The following SCART1 variants were observed in gnomAD, a reference collection of about 807,000 sequenced individuals.
SCART1 encodes scavenger receptor family member expressed on T cells 1.
Under a neutral mutation model 36.2 loss-of-function variants are expected in SCART1, and 62 were observed. That is an observed-to-expected ratio of 1.71 (90% CI 1.40 to 2.12). The LOEUF is 2.12. Ranked by LOEUF, SCART1 falls within the 30% of genes most tolerant of loss-of-function variation. The probability of loss-of-function intolerance (pLI) is 0.00; values close to 1 mark genes in which losing one functional copy is unlikely to be tolerated. For synonymous variants in SCART1, 487 were observed against 238.7 expected (o/e 2.04, Z -9.59); for missense variants, 1,041 against 540.5 (o/e 1.93, Z -9.18).
At chr10:133,466,015 G>A (rs960310658) in intron 9 of SCART1, 9 of 666,964 alleles carry the variant, frequency 1.3e-5, no homozygotes, top group Non-Finnish European at 1.9e-5. Flanking sequence ...GTTTTACCAA[G>A]GAAGGGGGCT....
intron 10 of SCART1, chr10:133,466,865 C>T (rs984445783): frequency 4.1e-6 from 1 of 241,396 alleles, no homozygotes; most frequent in Non-Finnish European, 7.9e-6. Flanking sequence ...GCAGGCTGAT[C>T]TCACTTAGGG....
At position 133,459,516 on chromosome 10, in the gene SCART1, G is replaced by T. The variant is rs1032249439; in HGVS notation, c.1315G>T (p.Gly439Ter). The change falls in exon 6 of 12, where the codon GGA becomes TGA. Residue 439 changes from glycine to a stop codon, truncating the protein, a stop_gained. Coordinates refer to ENST00000640237, the Ensembl canonical transcript of SCART1. LOFTEE classifies it high-confidence loss of function. ...GGCCCACGCCCTGCGACTGAGGGAA[G>T]GACAGAGCCGCTGTGACGGCCGCGT... is the stretch of plus-strand genomic sequence containing the variant. The T allele has an allele frequency of 1.2e-5, 8 of 674,360 alleles. No homozygotes were observed. The highest frequency in any genetic ancestry group is 5.3e-5 in the African/African-American group (3 of 56,514). The allele number at this position is 674,360 out of a possible 1,614,324, so 41.8% of individuals were successfully genotyped here.
chr10:133,465,373 G>T, exon 9 of SCART1: 1 of 670,472 alleles, frequency 1.5e-6, no homozygotes, highest in South Asian at 1.6e-5. Flanking sequence ...CGCGGAGGTC[G>T]TGTGCCGCCA....
At chr10:133,467,493 A>T in intron 11 of SCART1, 140 bp downstream of exon 11, 1 of 591,188 alleles carries the variant, frequency 1.7e-6, no homozygotes, top group Non-Finnish European at 3.0e-6. Flanking sequence ...ATGCAAAGGG[A>T]CTCGTGGGCA....
In SCART1 at chr10:133,466,897, A is replaced by G. The variant is rs563493166; in HGVS notation, c.2807-301A>G. 160 of 284,412 alleles carry G rather than the reference A, an allele frequency of 5.6e-4. 2 individuals carry two copies. In the South Asian group the frequency reaches 6.9e-3, roughly 12 times the overall value. The allele number at this position is 284,412 out of a possible 1,614,324, so 17.6% of individuals were successfully genotyped here. A position where few individuals can be genotyped will look rare whatever the true frequency, so the allele number is the denominator to read the frequency against. The stretch of plus-strand genomic sequence containing the variant: ...AGGGCTCATTTTATTGGCCAGAGAG[A>G]GTGGCAGACATCTGCATCAGCCTCC... On this transcript the variant is annotated intron_variant, in intron 10 of 11. Transcript: ENST00000640237.
chr10:133,466,476 T>C, intron 10 of SCART1, 95 bp downstream of exon 10: 1 of 645,160 alleles, frequency 1.5e-6, no homozygotes, highest in East Asian at 2.7e-5. Flanking sequence ...GCAGGCGGGG[T>C]GCCCCACAGC....
At chr10:133,458,601 A>G (rs1456739596) in exon 4 of SCART1, 1 of 696,188 alleles carries the variant, frequency 1.4e-6, no homozygotes, top group African/African-American at 1.8e-5. Flanking sequence ...TCCACTGCCC[A>G]CGGGGGCGTG....
chr10:133,467,854 G>T, exon 12 of SCART1: 1 of 684,356 alleles, frequency 1.5e-6, no homozygotes, highest in Middle Eastern at 2.3e-4. Flanking sequence ...CAGTTTCAGG[G>T]GAGGTGTCTA....
At chr10:133,457,499 C>T (rs1049328774) in exon 3 of SCART1, 2 of 702,302 alleles carry the variant, frequency 2.8e-6, no homozygotes, top group African/African-American at 1.7e-5. Context: ...CCGAGCCCAC[C>T]ATCCGCAGCT....
chr10:133,460,428 G>A (rs1376800434), intron 6 of SCART1, among the ~76,000 whole-genome samples: 2 of 147,904 alleles, frequency 1.4e-5, no homozygotes, highest in African/African-American at 5.1e-5. Flanking sequence ...CTCATTTTCC[G>A]CCGTAACCAG....
intron 10 of SCART1, among the ~76,000 whole-genome samples, chr10:133,466,738 C>G (rs1031212438): frequency 6.6e-6 from 1 of 152,224 alleles, no homozygotes; most frequent in African/African-American, 2.4e-5. Context: ...ACAGTGAATG[C>G]ATGCTCTTAT....
intron 1 of SCART1, among the ~76,000 whole-genome samples, chr10:133,455,816 C>T (rs1400089835): frequency 1.3e-5 from 2 of 151,828 alleles, no homozygotes; most frequent in African/African-American, 4.8e-5. Flanking sequence ...GAAGGGTGAG[C>T]GGGGCACTCC....
intron 6 of SCART1, among the ~76,000 whole-genome samples, chr10:133,463,617 C>T (rs547129497): frequency 2.6e-5 from 4 of 151,016 alleles, no homozygotes; most frequent in African/African-American, 4.9e-5. Context: ...CATGTTGTCA[C>T]GGATCACATA....
intron 6 of SCART1, among the ~76,000 whole-genome samples, chr10:133,463,706 A>G (rs547340889): frequency 6.6e-6 from 1 of 151,974 alleles, no homozygotes; most frequent in African/African-American, 2.4e-5. Flanking sequence ...TTAAATTGAC[A>G]ATCTTTGTAC....
At chr10:133,456,584 C>T (rs1474011522) in intron 2 of SCART1, 30 bp downstream of exon 2, 1 of 625,006 alleles carries the variant, frequency 1.6e-6, no homozygotes, top group Admixed American at 2.4e-5. Flanking sequence ...GGGGACGGGG[C>T]TGAGGAGGAG....
chr10:133,459,842 C>T (rs1209146311), exon 6 of SCART1: 1 of 565,962 alleles, frequency 1.8e-6, no homozygotes, highest in East Asian at 3.3e-5. Context: ...CCCGTCGCCA[C>T]GGGATCCCGG....
intron 6 of SCART1, among the ~76,000 whole-genome samples, chr10:133,460,496 A>ATATATATATTTTTTTTT: frequency 1.5e-5 from 2 of 136,006 alleles, no homozygotes; most frequent in Non-Finnish European, 1.6e-5. Flanking sequence ...ATATTTATAT[A>ATATATATATTTTTTTTT]TTTTAAAAAA....
At position 133,459,843 on chromosome 10, in the gene SCART1, G is replaced by A. The variant is rs753871432; in HGVS notation, c.1642G>A (p.Gly548Arg). Reference sequence around the variant, plus strand: ...CGCGTCCCCCATGGCCCGTCGCCACGGGATCCCGGGCGCCCTGACTCTGTC... The same window carrying A: ...CGCGTCCCCCATGGCCCGTCGCCACAGGATCCCGGGCGCCCTGACTCTGTC... Residue 548 changes from glycine (G) to arginine (R), a missense_variant, in exon 6 of 12, where the codon GGG becomes AGG. Coordinates refer to ENST00000640237, the Ensembl canonical transcript of SCART1. The A allele has an allele frequency of 7.1e-6, 4 of 566,488 alleles. No individual in the cohort carries two copies. In the South Asian group the frequency reaches 8.6e-5, roughly 12 times the overall value. 35.1% of individuals were successfully genotyped at this position (566,488 alleles called of 1,614,324 possible).
Position 133,459,161 on chromosome 10 carries a change from G to A in SCART1, c.1120G>A (p.Ala374Thr), listed in dbSNP as rs61743181. The A allele has an allele frequency of 2.0e-3, 1,377 of 702,936 alleles. 14 individuals are homozygous for A. The African/African-American group carries it at 0.021, about 11-fold the overall frequency. 43.5% of individuals were successfully genotyped at this position (702,936 alleles called of 1,614,324 possible). A position where few individuals can be genotyped will look rare whatever the true frequency, so the allele number is the denominator to read the frequency against. ...CTGCCACCAGCTCAACTGTGGCAAC[G>A]CGGTGGCCGCACCTGGAGGAGGCCA... is the stretch of plus-strand genomic sequence containing the variant. The change falls in exon 5 of 12, where the codon GCG becomes ACG. Residue 374 changes from alanine (A) to threonine (T), a missense_variant. By Grantham distance (58) the Ala-to-Thr change is moderately conservative. Coordinates refer to ENST00000640237, the Ensembl canonical transcript of SCART1.
Sources: gnomAD v4.1 joint callset for allele counts (sites outside exome capture counted in the v4.1 genomes callset) on GRCh38, gnomAD v4.1.1 for gene constraint, MANE v1.5 for transcripts, NCBI Gene and HGNC (gene_info 2026-07-23, HGNC 2026-07-21) for gene names.